The following GALNTL6 variants were observed in gnomAD, a reference collection of about 807,000 sequenced individuals.
GALNTL6 encodes polypeptide N-acetylgalactosaminyltransferase like 6.
A neutral mutation model predicts 73.7 loss-of-function variants in GALNTL6; 46 were observed. That is an observed-to-expected ratio of 0.62 (90% CI 0.49 to 0.80). The LOEUF (loss-of-function observed/expected upper bound fraction) is 0.80, where lower values mean the gene tolerates loss of function less well. Ranked by LOEUF, GALNTL6 falls within the 30% of genes least tolerant of loss-of-function variation. GALNTL6 has a pLI of 0.00. For missense variants in GALNTL6, 604 were observed against 755.0 expected (o/e 0.80, Z 2.34); for synonymous variants, 259 against 263.7 (o/e 0.98, Z 0.17).
intron 2 of GALNTL6, among the ~76,000 whole-genome samples, chr4:172,063,935 C>T (rs891611447): frequency 3.9e-5 from 6 of 152,194 alleles, no homozygotes; most frequent in African/African-American, 1.4e-4. Flanking sequence ...TGCCTTGTGC[C>T]TGAAGCATTA....
intron 7 of GALNTL6, among the ~76,000 whole-genome samples, chr4:172,852,970 G>A (rs1001005286): frequency 3.3e-5 from 5 of 152,042 alleles, no homozygotes; most frequent in Non-Finnish European, 2.9e-5. Context: ...ATTACTTTAG[G>A]TTAAGTACTA....
intron 2 of GALNTL6, among the ~76,000 whole-genome samples, chr4:171,874,414 T>G (rs1366396621): frequency 3.3e-5 from 5 of 152,114 alleles, no homozygotes; most frequent in Non-Finnish European, 5.9e-5. Flanking sequence ...GGTCTTGAAC[T>G]CCTGACCTCA....
intron 5 of GALNTL6, among the ~76,000 whole-genome samples, chr4:172,597,561 A>G (rs1737902149): frequency 1.3e-5 from 2 of 152,198 alleles, no homozygotes; most frequent in Admixed American, 1.3e-4. Flanking sequence ...CAATTACAGT[A>G]AATGCTAGAG....
At position 172,809,109 on chromosome 4, in the gene GALNTL6, G is replaced by A. The variant is rs1312717572; in HGVS notation, c.554-252G>A. On this transcript the variant is annotated intron_variant, in intron 5 of 12. Transcript: ENST00000506823. The surrounding 1 kb of genome is among the most constrained non-coding windows in gnomAD (Gnocchi z 4.4). ...TACACGCTGCAGCTGTCAGCCAGCAGTAACTGCATAACAGACCTCTGGCAT... is the reference window on the plus strand; with the variant it reads ...TACACGCTGCAGCTGTCAGCCAGCAATAACTGCATAACAGACCTCTGGCAT... Among the ~76,000 whole-genome samples the A allele has an allele frequency of 6.6e-6, 1 of 152,198 alleles. No homozygotes were observed. Among genetic ancestry groups the A allele is most frequent in the Non-Finnish European group, 1.5e-5 (1 of 68,036 alleles).
chr4:172,276,557 A>G (rs1038723494), intron 3 of GALNTL6, among the ~76,000 whole-genome samples: 8 of 152,208 alleles, frequency 5.3e-5, no homozygotes, highest in African/African-American at 1.9e-4. Context: ...GTTTTCTTGT[A>G]GTGGAGGGGT....
intron 7 of GALNTL6, among the ~76,000 whole-genome samples, chr4:172,866,689 T>C (rs1438806743): frequency 6.6e-6 from 1 of 152,148 alleles, no homozygotes; most frequent in Non-Finnish European, 1.5e-5. Flanking sequence ...GATTCTGCCA[T>C]GTCCTGTGGT....
At chr4:172,960,928 G>T (rs139024701) in intron 10 of GALNTL6, among the ~76,000 whole-genome samples, 166 of 151,918 alleles carry the variant, frequency 1.1e-3, no homozygotes, top group African/African-American at 3.5e-3. Context: ...AGAGAGTAGA[G>T]ACTTGGAGAG....
intron 3 of GALNTL6, among the ~76,000 whole-genome samples, chr4:172,242,297 A>G (rs947220894): frequency 2.6e-5 from 4 of 151,870 alleles, no homozygotes; most frequent in Non-Finnish European, 5.9e-5. Flanking sequence ...ATGTTAAGTA[A>G]TCCATTCAGA....
intron 10 of GALNTL6, among the ~76,000 whole-genome samples, chr4:172,989,898 A>G (rs1211625982): frequency 6.6e-6 from 1 of 152,224 alleles, no homozygotes; most frequent in Non-Finnish European, 1.5e-5. Context: ...AGGTTTCTCC[A>G]TAAGGAATCT....
chr4:172,367,236 G>T (rs1333952041), intron 5 of GALNTL6, among the ~76,000 whole-genome samples: 1 of 152,190 alleles, frequency 6.6e-6, no homozygotes, highest in Non-Finnish European at 1.5e-5. Context: ...TTAACTCACA[G>T]ATATGCTGGT....
intron 5 of GALNTL6, among the ~76,000 whole-genome samples, chr4:172,362,664 A>G (rs1742412731): frequency 1.3e-5 from 2 of 152,082 alleles, no homozygotes; most frequent in South Asian, 4.1e-4. Context: ...TCAACAAACT[A>G]CTGGACATCT....
intron 2 of GALNTL6, among the ~76,000 whole-genome samples, chr4:172,189,943 G>A (rs1017028254): frequency 2.0e-5 from 3 of 152,132 alleles, no homozygotes; most frequent in Admixed American, 6.5e-5. Flanking sequence ...CAGCTTGTAC[G>A]ATTTTTCAAA....
intron 8 of GALNTL6, among the ~76,000 whole-genome samples, chr4:172,898,515 T>C (rs1299388035): frequency 1.3e-5 from 2 of 151,626 alleles, no homozygotes; most frequent in Admixed American, 1.3e-4. Context: ...CAGTCATTAT[T>C]TATTAGAAAT....
At chr4:171,929,176 C>T (rs1738088472) in intron 2 of GALNTL6, among the ~76,000 whole-genome samples, 1 of 152,120 alleles carries the variant, frequency 6.6e-6, no homozygotes, top group South Asian at 2.1e-4. Flanking sequence ...AAGCCATCCT[C>T]CCATCTCAAC....
intron 3 of GALNTL6, among the ~76,000 whole-genome samples, chr4:172,274,002 A>G (rs1738748138): frequency 6.6e-6 from 1 of 152,166 alleles, no homozygotes; most frequent in African/African-American, 2.4e-5. Context: ...TGGTCTGAAA[A>G]CCAAAAAATT....
At chr4:171,923,151 T>C (rs946620544) in intron 2 of GALNTL6, among the ~76,000 whole-genome samples, 1 of 152,144 alleles carries the variant, frequency 6.6e-6, no homozygotes, top group Non-Finnish European at 1.5e-5. Flanking sequence ...AAGTTCAAAA[T>C]ATTGATAGAA....
At chr4:171,865,023 C>T (rs549889429) in intron 2 of GALNTL6, among the ~76,000 whole-genome samples, 1 of 151,822 alleles carries the variant, frequency 6.6e-6, no homozygotes, top group Non-Finnish European at 1.5e-5. Context: ...GTGTGCACCT[C>T]TAATCCCAGC....
At chr4:172,154,351 G>A (rs1056173680) in intron 2 of GALNTL6, among the ~76,000 whole-genome samples, 1 of 152,024 alleles carries the variant, frequency 6.6e-6, no homozygotes, top group Non-Finnish European at 1.5e-5. Context: ...TCCTGCCTCA[G>A]CCTCCCAAGT....
rs141178591 is a variant in GALNTL6, at chr4:172,898,748, T to C, written c.1041+15841T>C. On this transcript the variant is annotated intron_variant, in intron 8 of 12. Transcript: ENST00000506823. ...TTAAACTGTAACAGCTATATTCAAA[T>C]AAGGGAGGAGAACATCCCTCATATT... Among the ~76,000 whole-genome samples the C allele has an allele frequency of 7.9e-3, 1,206 of 152,336 alleles. 13 individuals carry two copies. Among genetic ancestry groups the C allele is most frequent in the African/African-American group, 0.028 (1,144 of 41,574 alleles).
Sources: allele counts gnomAD v4.1 joint callset (sites outside exome capture counted in the v4.1 genomes callset), GRCh38; gene constraint gnomAD v4.1.1; non-coding constraint Gnocchi (gnomAD v3.1); transcripts MANE v1.5; gene names NCBI Gene and HGNC (gene_info 2026-07-23, HGNC 2026-07-21).